ZNF639: variants seen among roughly 807,000 people sequenced by gnomAD.
The protein encoded by ZNF639 is zinc finger amplified in esophageal squamous cell carcinomas 1.
In ZNF639, 20 loss-of-function variants were observed where a neutral mutation model predicts 39.8. The ratio of observed to expected loss-of-function variants is 0.50; its 90% CI spans 0.35 to 0.73. The LOEUF is 0.73. Among genes scored for constraint, ZNF639 ranks in the 30% least tolerant of loss-of-function variants. The probability of loss-of-function intolerance (pLI) is 0.00; values close to 1 mark genes in which losing one functional copy is unlikely to be tolerated. For synonymous variants in ZNF639, 176 were observed against 189.8 expected (o/e 0.93, Z 0.60); for missense variants, 477 against 566.2 (o/e 0.84, Z 1.60).
chr3:179,334,615 T>C lies in ZNF639; in HGVS notation c.*193T>C, dbSNP rs1728117302. The C allele has an allele frequency of 2.8e-6, 1 of 352,376 alleles. No homozygotes were observed. Among genetic ancestry groups the C allele is most frequent in the Non-Finnish European group, 5.0e-6 (1 of 199,448 alleles). The allele number at this position is 352,376 out of a possible 1,614,324, so 21.8% of individuals were successfully genotyped here. On this transcript the variant is annotated 3_prime_UTR_variant, in exon 6 of 6. Transcript: ENST00000496856. ...TATATCTTTAATGTGGTATTTTCAA[T>C]TGCGTGATAGTTTGTAGTTTCAACC...
At chr3:179,331,775 CAA>C (rs56708873) in intron 4 of ZNF639, among the ~76,000 whole-genome samples, 4,237 of 80,410 alleles carry the variant, frequency 0.053, 164 homozygotes, top group African/African-American at 0.18. Flanking sequence ...AACTCCATCT[CAA>C]AAAAAAAAAA....
chr3:179,324,715 A>G (rs57795346), intron 1 of ZNF639, among the ~76,000 whole-genome samples: 5,743 of 152,262 alleles, frequency 0.038, 339 homozygotes, highest in African/African-American at 0.13. Context: ...GCCTGAATCC[A>G]GGCCAGCTTG....
intron 3 of ZNF639, 49 bp from the exon 4 acceptor site, chr3:179,329,569 T>C: frequency 9.4e-7 from 1 of 1,061,382 alleles, no homozygotes; most frequent in Non-Finnish European, 1.4e-6. Context: ...AGTTTCTCAT[T>C]AAATATGTAT....
chr3:179,327,205 T>C (rs1399414468), intron 1 of ZNF639, among the ~76,000 whole-genome samples: 1 of 151,992 alleles, frequency 6.6e-6, no homozygotes, highest in African/African-American at 2.4e-5. Flanking sequence ...ACAAAAAGTT[T>C]ATAATTTGGT....
chr3:179,329,862 G>A (rs2108500208), intron 4 of ZNF639, 134 bp downstream of exon 4: 12 of 376,578 alleles, frequency 3.2e-5, no homozygotes, highest in South Asian at 1.9e-4. Context: ...TACAATGTAA[G>A]AAAACAAAGT....
chr3:179,325,182 CG>C lies in ZNF639; in HGVS notation c.-83+1893del, dbSNP rs574855491. 4.7e-3 allele frequency: 720 copies of C among 152,364 alleles called. 9 individuals carry two copies. The highest frequency in any genetic ancestry group is 0.017 in the African/African-American group (696 of 41,542). 9.4% of individuals were successfully genotyped at this position (152,364 alleles called of 1,614,324 possible). On this transcript the variant is annotated intron_variant, in intron 1 of 5. Coordinates refer to ENST00000496856, the MANE Select transcript of ZNF639 (RefSeq NM_001303426.2). ...GATTACAGGCATGTGCCACCACGCC[CG>C]GCTAATTTTGTATTTTCAGTCGAGA...
upstream of ZNF639, chr3:179,322,948 G>C (rs916854261): frequency 3.0e-6 from 3 of 985,064 alleles, no homozygotes; most frequent in African/African-American, 3.5e-5. Context: ...GTCCCTCCCA[G>C]GCCGCGTGTG....
chr3:179,323,507 C>T (rs1727400180), intron 1 of ZNF639, among the ~76,000 whole-genome samples: 1 of 152,326 alleles, frequency 6.6e-6, no homozygotes, highest in African/African-American at 2.4e-5. Flanking sequence ...CTCCCCTCGG[C>T]CCCCTGCTGC....
chr3:179,330,746 A>G (rs546177201), intron 4 of ZNF639, among the ~76,000 whole-genome samples: 8 of 152,356 alleles, frequency 5.3e-5, no homozygotes, highest in East Asian at 3.9e-4. Context: ...GTATTTTTCA[A>G]TGTTGGATCT....
At chr3:179,327,456 C>T (rs1727661638) in intron 1 of ZNF639, 105 bp from the exon 2 acceptor site, 2 of 152,124 alleles carry the variant, frequency 1.3e-5, no homozygotes, top group Admixed American at 6.5e-5. Context: ...TTAATTAGTT[C>T]TGTATAACTT....
At position 179,325,664 on chromosome 3, in the gene ZNF639, C is replaced by T. The variant is rs543110844; in HGVS notation, c.-82-1897C>T. On this transcript the variant is annotated intron_variant, in intron 1 of 5. Transcript: ENST00000496856. ...ATCCCAGCACCTTGGGAGGCCGAGG[C>T]GGGCAGATCACGAGGTCAGGAGATC... 2.1e-3 allele frequency among the ~76,000 whole-genome samples: 312 copies of T among 149,374 alleles called. 1 individual carries two copies. Among genetic ancestry groups the T allele is most frequent in the African/African-American group, 7.0e-3 (284 of 40,722 alleles).
intron 5 of ZNF639, 51 bp downstream of exon 5, chr3:179,333,174 A>C: frequency 1.3e-6 from 2 of 1,563,540 alleles, no homozygotes; most frequent in Non-Finnish European, 1.7e-6. Flanking sequence ...GGTGAATTTT[A>C]AAAAAAGTGC....
At chr3:179,324,229 GT>G (rs1727453049) in intron 1 of ZNF639, among the ~76,000 whole-genome samples, 1 of 152,118 alleles carries the variant, frequency 6.6e-6, no homozygotes, top group Non-Finnish European at 1.5e-5. Flanking sequence ...CTTTTGAAAC[GT>G]TTATCTATTT....
rs140852467 is a variant in ZNF639 at position 179,330,209 on chromosome 3, C to T, written c.169+481C>T. Among the ~76,000 whole-genome samples the T allele has an allele frequency of 9.4e-3, 1,422 of 151,568 alleles. 14 individuals are homozygous for T. The highest frequency in any genetic ancestry group is 0.02 in the Middle Eastern group (6 of 294). On this transcript the variant is annotated intron_variant, in intron 4 of 5. Coordinates refer to ENST00000496856, the MANE Select transcript of ZNF639 (RefSeq NM_001303426.2). ...TACAGGCTTGAGCCACCGTGCCCGG[C>T]TGTAATTTTAACTTTTAACATTATT...
At chr3:179,326,276 G>A (rs559627410) in intron 1 of ZNF639, among the ~76,000 whole-genome samples, 11 of 152,080 alleles carry the variant, frequency 7.2e-5, no homozygotes, top group Non-Finnish European at 1.3e-4. Context: ...CAGGAGAATC[G>A]CTTGAGCTGG....
chr3:179,329,720 A>G lies in ZNF639; in HGVS notation c.161A>G (p.Asp54Gly), dbSNP rs754340502. ...SMRQPDLKYF[D>G]NKDDDSDTET... Reference sequence around the variant, plus strand: ...AGACAGCCAGATTTAAAATATTTTGACAACAAAGGTATATCTAATATTTTC... The same window carrying G: ...AGACAGCCAGATTTAAAATATTTTGGCAACAAAGGTATATCTAATATTTTC... Residue 54 changes from aspartate (D) to glycine (G), a missense_variant, in exon 4 of 6, where the codon GAC (aspartate) becomes GGC (glycine). Coordinates refer to ENST00000496856, the MANE Select transcript of ZNF639 (RefSeq NM_001303426.2). The G allele has an allele frequency of 7.6e-6, 12 of 1,583,276 alleles. No individual in the cohort carries two copies. Among genetic ancestry groups the G allele is most frequent in the Non-Finnish European group, 5.2e-6 (6 of 1,158,904 alleles).
chr3:179,323,064 C>T lies in ZNF639; in HGVS notation c.-310C>T. 2 of 984,990 alleles carry T rather than the reference C, an allele frequency of 2.0e-6. No homozygotes were observed. The highest frequency in any genetic ancestry group is 2.4e-6 in the Non-Finnish European group (2 of 830,004). The allele number at this position is 984,990 out of a possible 1,614,324, so 61.0% of individuals were successfully genotyped here. A position where few individuals can be genotyped will look rare whatever the true frequency, so the allele number is the denominator to read the frequency against. On this transcript the variant is annotated 5_prime_UTR_variant, in exon 1 of 6. Transcript: ENST00000496856. ...CGGCGCAGGCGCGGAGCGTGGCGGC[C>T]AGGGCAGTGCGGCCGCGGAGCCTAG...
Position 179,336,123 on chromosome 3 carries a change from A to G in ZNF639, c.*1701A>G, listed in dbSNP as rs1395013206. 1 of 152,100 alleles carries G rather than the reference A, an allele frequency of 6.6e-6. No homozygotes were observed. Among genetic ancestry groups the G allele is most frequent in the Non-Finnish European group, 1.5e-5 (1 of 68,046 alleles). The allele number at this position is 152,100 out of a possible 1,614,324, so 9.4% of individuals were successfully genotyped here. ...TTGTTTTTATAAAGACTCCAGTCAT[A>G]TTGATTGGATTAGGGCCCCTCCCAA... On this transcript the variant is annotated 3_prime_UTR_variant, in exon 6 of 6. Coordinates refer to ENST00000496856, the MANE Select transcript of ZNF639 (RefSeq NM_001303426.2).
At chr3:179,327,163 C>A (rs1238653728) in intron 1 of ZNF639, among the ~76,000 whole-genome samples, 2 of 152,078 alleles carry the variant, frequency 1.3e-5, no homozygotes, top group Non-Finnish European at 2.9e-5. Flanking sequence ...GCACTCCAGC[C>A]TGGGTAACAA....
Sources: allele counts gnomAD v4.1 joint callset (sites outside exome capture counted in the v4.1 genomes callset), GRCh38; gene constraint gnomAD v4.1.1; transcripts MANE v1.5; gene names NCBI Gene and HGNC (gene_info 2026-07-23, HGNC 2026-07-21).